Variants in GNB2 observed in about 807,000 individuals in gnomAD.
GNB2 encodes the protein guanine nucleotide-binding protein G(I)/G(S)/G(T) subunit beta-2.
In GNB2, 7 loss-of-function variants were observed where a neutral mutation model predicts 40.7. The ratio of observed to expected loss-of-function variants is 0.17; its 90% CI spans 0.10 to 0.32. The LOEUF is 0.32. Among genes scored for constraint, GNB2 ranks in the 10% least tolerant of loss-of-function variants. The pLI is 1.00. For missense variants in GNB2, 286 were observed against 473.0 expected (o/e 0.60, Z 3.67); for synonymous variants, 254 against 191.2 (o/e 1.33, Z -2.71).
chr7:100,676,470 C>T, intron 2 of GNB2, 65 bp from the exon 3 acceptor site: 1 of 1,427,666 alleles, frequency 7.0e-7, no homozygotes, highest in Non-Finnish European at 9.9e-7. Context: ...CTTCTGTTCT[C>T]TTCTCTCCCT....
chr7:100,675,048 G>A (rs1804319236), intron 1 of GNB2, among the ~76,000 whole-genome samples: 1 of 152,086 alleles, frequency 6.6e-6, no homozygotes, highest in Non-Finnish European at 1.5e-5. Context: ...GGGGACGCCT[G>A]GGCCGGCCAA....
At chr7:100,676,647 T>C (rs1371596085) in intron 3 of GNB2, 46 bp from the exon 4 acceptor site, 3 of 1,548,786 alleles carry the variant, frequency 1.9e-6, no homozygotes, top group Admixed American at 1.7e-5. Context: ...CCCTCTGCAG[T>C]CCTGCTGCCT....
intron 7 of GNB2, 48 bp from the exon 8 acceptor site, chr7:100,678,050 T>A: frequency 6.8e-7 from 1 of 1,471,548 alleles, no homozygotes; most frequent in Non-Finnish European, 9.5e-7. Context: ...AGGGACTCTG[T>A]TCTTCGCCCT....
At chr7:100,678,331 C>T (rs1490943579) in intron 8 of GNB2, 32 bp downstream of exon 8, 3 of 1,603,230 alleles carry the variant, frequency 1.9e-6, no homozygotes, top group Non-Finnish European at 2.6e-6. Context: ...GCCAGGCCCT[C>T]CCCACCAGGC....
chr7:100,676,343 G>C, intron 2 of GNB2, 21 bp downstream of exon 2: 1 of 1,591,810 alleles, frequency 6.3e-7, no homozygotes, highest in South Asian at 1.1e-5. Context: ...GGTGCGGGGC[G>C]GGCGATTCAT....
chr7:100,678,623 T>C lies in GNB2; in HGVS notation c.916+9T>C, dbSNP rs1804417883. 2 of 1,611,744 alleles carry C rather than the reference T, an allele frequency of 1.2e-6. No homozygotes were observed. Among genetic ancestry groups the C allele is most frequent in the African/African-American group, 2.7e-5 (2 of 74,900 alleles). ...GAAGGGCGACCGTGCAGGTGACAGC[T>C]GGGGCCCAGGCTGGGTGGGCAGGGA... On this transcript the variant is annotated intron_variant, in intron 9 of 9. Transcript: ENST00000303210.
At chr7:100,675,122 A>G (rs1256151573) in intron 1 of GNB2, among the ~76,000 whole-genome samples, 1 of 150,760 alleles carries the variant, frequency 6.6e-6, no homozygotes, top group Non-Finnish European at 1.5e-5. Flanking sequence ...AGGCTCCCGG[A>G]GCGGAGCCAG....
At chr7:100,676,489 C>T (rs1804350875) in intron 2 of GNB2, 46 bp from the exon 3 acceptor site, 11 of 1,542,310 alleles carry the variant, frequency 7.1e-6, no homozygotes, top group East Asian at 2.2e-5. Context: ...CTTTCCTCCC[C>T]AACCTGTCTT....
rs776310866 is a variant in GNB2 at position 100,676,222 on chromosome 7, G to A, written c.-44G>A. The A allele has an allele frequency of 6.2e-5, 65 of 1,046,464 alleles. No homozygotes were observed. In the East Asian group the frequency reaches 1.5e-3, roughly 24 times the overall value. 64.8% of individuals were successfully genotyped at this position (1,046,464 alleles called of 1,614,324 possible). A position where few individuals can be genotyped will look rare whatever the true frequency, so the allele number is the denominator to read the frequency against. On this transcript the variant is annotated 5_prime_UTR_variant, in exon 2 of 10. Transcript: ENST00000303210. ...AGCTGCCTCCCCCAGCCCCCGTCCC[G>A]CGGCCCCCAGCCGCCCCCAACCCTG... is the stretch of plus-strand genomic sequence containing the variant.
intron 7 of GNB2, 124 bp from the exon 8 acceptor site, chr7:100,677,973 AG>A: frequency 9.9e-7 from 1 of 1,012,434 alleles, no homozygotes; most frequent in Non-Finnish European, 1.5e-6. Context: ...TCCCCACCTA[AG>A]GCTCTGAGAA....
rs1160401009 is a variant in GNB2, at chr7:100,677,581, G to A, written c.351G>A (p.Leu117=). Residue 117 remains leucine (L), a synonymous_variant, in exon 6 of 10, where the codon TTG becomes TTA. Coordinates refer to ENST00000303210, the MANE Select transcript of GNB2 (RefSeq NM_005273.4). ...GGAACTTTGTGGCCTGTGGGGGGTT[G>A]GACAACATCTGCTCCATCTACAGCC... ...PSGNFVACGG[L]DNICSIYSLK... 1.9e-6 allele frequency: 3 copies of A among 1,613,306 alleles called. No individual in the cohort carries two copies. The highest frequency in any genetic ancestry group is 1.7e-5 in the Admixed American group (1 of 60,010).
intron 8 of GNB2, 22 bp from the exon 9 acceptor site, chr7:100,678,376 A>T (rs1453891040): frequency 6.2e-7 from 1 of 1,607,580 alleles, no homozygotes; most frequent in African/African-American, 1.3e-5. Flanking sequence ...CCCTCACCCC[A>T]TCTGGGTCCC....
Position 100,674,854 on chromosome 7 carries a change from TA to T in GNB2, c.-90+932del, listed in dbSNP as rs554031312. The stretch of plus-strand genomic sequence containing the variant: ...GGTGCCGCCAGGCCTGGGCTGCTAG[TA>T]GGTGGAAGAGGCTTTGTGCGGGCCT... On this transcript the variant is annotated intron_variant, in intron 1 of 9. Transcript: ENST00000303210. Among the ~76,000 whole-genome samples, 14 of 152,244 alleles carry T rather than the reference TA, an allele frequency of 9.2e-5. No homozygotes were observed. The East Asian group carries it at 2.7e-3, about 29-fold the overall frequency.
rs1003934982 is a variant in GNB2, at chr7:100,679,083, C to T, written c.*282C>T. ...GGCCGGAGGCAGGAGGTGGAAACCC[C>T]AGGGGCTGGCTTTTTTAAAACTGGT... On this transcript the variant is annotated 3_prime_UTR_variant, in exon 10 of 10. Coordinates refer to ENST00000303210, the MANE Select transcript of GNB2 (RefSeq NM_005273.4). 7 of 412,646 alleles carry T rather than the reference C, an allele frequency of 1.7e-5. No individual in the cohort carries two copies. Among genetic ancestry groups the T allele is most frequent in the African/African-American group, 1.4e-4 (7 of 49,094 alleles). 25.6% of individuals were successfully genotyped at this position (412,646 alleles called of 1,614,324 possible).
At chr7:100,676,109 C>A in intron 1 of GNB2, 68 bp from the exon 2 acceptor site, 1 of 551,302 alleles carries the variant, frequency 1.8e-6, no homozygotes, top group South Asian at 2.3e-5. Context: ...CCGGGCCGCG[C>A]TGCAACCCCG....
rs548329910 is a variant in GNB2 at position 100,679,055 on chromosome 7, G to C, written c.*254G>C. On this transcript the variant is annotated 3_prime_UTR_variant, in exon 10 of 10. Transcript: ENST00000303210. ...CTGGGGTTGGGGCCTCACCCCTCTG[G>C]AGGGCCGGAGGCAGGAGGTGGAAAC... is the stretch of plus-strand genomic sequence containing the variant. 13 of 464,056 alleles carry C rather than the reference G, an allele frequency of 2.8e-5. No individual in the cohort carries two copies. The highest frequency in any genetic ancestry group is 1.9e-4 in the South Asian group (4 of 21,264). The allele number at this position is 464,056 out of a possible 1,614,324, so 28.7% of individuals were successfully genotyped here. A position where few individuals can be genotyped will look rare whatever the true frequency, so the allele number is the denominator to read the frequency against.
chr7:100,676,710 C>G lies in GNB2; in HGVS notation c.114C>G (p.Asp38Glu), dbSNP rs778076563. The change falls in exon 4 of 10, where the codon GAC becomes GAG. Residue 38 changes from aspartate to glutamate, a missense_variant. Coordinates refer to ENST00000303210, the MANE Select transcript of GNB2 (RefSeq NM_005273.4). ...STLTQITAGL[D>E]PVGRIQMRTR... The stretch of plus-strand genomic sequence containing the variant: ...ACCTCCAGATCACAGCTGGGCTGGA[C>G]CCAGTGGGGAGAATCCAGATGAGGA... 11 of 1,610,988 alleles carry G rather than the reference C, an allele frequency of 6.8e-6. No individual in the cohort carries two copies. Among genetic ancestry groups the G allele is most frequent in the Middle Eastern group, 1.6e-4 (1 of 6,076 alleles).
chr7:100,678,865 G>A lies in GNB2; in HGVS notation c.*64G>A. On this transcript the variant is annotated 3_prime_UTR_variant, in exon 10 of 10. Coordinates refer to ENST00000303210, the MANE Select transcript of GNB2 (RefSeq NM_005273.4). ...TGCCCATGCCCACACTACAGGCCAGGGCTGCGGGGCTGGCGCAATCCCAGC... is the reference window on the plus strand; with the variant it reads ...TGCCCATGCCCACACTACAGGCCAGAGCTGCGGGGCTGGCGCAATCCCAGC... The A allele has an allele frequency of 8.0e-7, 1 of 1,257,088 alleles. No individual in the cohort carries two copies. The highest frequency in any genetic ancestry group is 1.1e-6 in the Non-Finnish European group (1 of 870,132). 77.9% of individuals were successfully genotyped at this position (1,257,088 alleles called of 1,614,324 possible).
In GNB2 at chr7:100,676,256, G is replaced by T. The variant is rs781113094; in HGVS notation, c.-10G>T. On this transcript the variant is annotated 5_prime_UTR_variant, in exon 2 of 10. Coordinates refer to ENST00000303210, the MANE Select transcript of GNB2 (RefSeq NM_005273.4). ...AGCCGCCCCCAACCCTGCCCCACGG[G>T]CCCGGCGCCATGAGTGAGCTGGAGC... is the stretch of plus-strand genomic sequence containing the variant. The T allele has an allele frequency of 6.3e-7, 1 of 1,594,936 alleles. No individual in the cohort carries two copies. The highest frequency in any genetic ancestry group is 8.5e-7 in the Non-Finnish European group (1 of 1,170,722).
Sources: gnomAD v4.1 joint callset for allele counts (sites outside exome capture counted in the v4.1 genomes callset) on GRCh38, gnomAD v4.1.1 for gene constraint, MANE v1.5 for transcripts, NCBI Gene and HGNC (gene_info 2026-07-23, HGNC 2026-07-21) for gene names.